SLC7A9: variants seen among roughly 807,000 people sequenced by gnomAD.
The protein encoded by SLC7A9 is B(0,+)-type amino acid transporter 1.
Under a neutral mutation model 54.1 loss-of-function variants are expected in SLC7A9, and 38 were observed. That is an observed-to-expected ratio of 0.70 (90% confidence interval 0.54 to 0.92). The LOEUF is 0.92. Among genes scored for constraint, SLC7A9 ranks in the 40% least tolerant of loss-of-function variants. The probability of loss-of-function intolerance (pLI) is 0.00; values close to 1 mark genes in which losing one functional copy is unlikely to be tolerated. For missense variants in SLC7A9, 537 were observed against 636.1 expected, an observed-to-expected ratio of 0.84 and a Z score of 1.68; for synonymous variants, 264 against 258.9, an observed-to-expected ratio of 1.02 and a Z score of -0.19.
intron 9 of SLC7A9, among the ~76,000 whole-genome samples, chr19:32,855,423 G>A (rs926688734): frequency 2.6e-5 from 4 of 152,202 alleles, no homozygotes; most frequent in African/African-American, 9.6e-5. Flanking sequence ...AATGCAGCCG[G>A]GCGCGGTGGC....
At chr19:32,867,277 G>A (rs997111701) in intron 2 of SLC7A9, among the ~76,000 whole-genome samples, 27 of 152,152 alleles carry the variant, frequency 1.8e-4, no homozygotes, top group African/African-American at 6.0e-4. Context: ...TGAGGTGGGA[G>A]GATCGCTTGA....
At position 32,855,575 on chromosome 19, in the gene SLC7A9, A is replaced by G. The variant is rs553735927; in HGVS notation, c.977+2865T>C. Among the ~76,000 whole-genome samples, 405 of 152,162 alleles carry G rather than the reference A, an allele frequency of 2.7e-3. 2 individuals are homozygous for G. Among genetic ancestry groups the G allele is most frequent in the African/African-American group, 9.0e-3 (374 of 41,504 alleles). The stretch of plus-strand genomic sequence containing the variant: ...AAATTAGCCGGGCGTGATGGCAGGC[A>G]CCTGTAGTCCCAGCTACTCAGGAGG... On this transcript the variant is annotated intron_variant, in intron 9 of 12. Transcript: ENST00000023064.
chr19:32,868,411 A>G lies in SLC7A9; in HGVS notation c.87+37T>C, dbSNP rs576347697. On this transcript the variant is annotated intron_variant, in intron 2 of 12. Coordinates refer to ENST00000023064, the MANE Select transcript of SLC7A9 (RefSeq NM_014270.5). ...CCCCTCGTTCAGACGCCCTTGCCTA[A>G]CCTGCAAAGGGCCTGCCCCACCAGA... The G allele has an allele frequency of 1.1e-4, 177 of 1,555,478 alleles. 3 individuals are homozygous for G. In the South Asian group the frequency reaches 1.9e-3, roughly 17 times the overall value.
At chr19:32,869,237 T>C (rs1214957587) in intron 1 of SLC7A9, among the ~76,000 whole-genome samples, 1 of 151,618 alleles carries the variant, frequency 6.6e-6, no homozygotes, top group Non-Finnish European at 1.5e-5. Context: ...AATATATATA[T>C]AAAAAATTAA....
At chr19:32,834,520 C>G (rs1019918542) in intron 11 of SLC7A9, among the ~76,000 whole-genome samples, 1 of 151,990 alleles carries the variant, frequency 6.6e-6, no homozygotes, top group African/African-American at 2.4e-5. Context: ...ATCCCAGCAA[C>G]TTGGGAAGCT....
chr19:32,849,200 G>T (rs1486903192), intron 9 of SLC7A9, among the ~76,000 whole-genome samples: 1 of 152,086 alleles, frequency 6.6e-6, no homozygotes, highest in Non-Finnish European at 1.5e-5. Flanking sequence ...AGAACTGAAG[G>T]AAATAGAGAC....
intron 9 of SLC7A9, among the ~76,000 whole-genome samples, chr19:32,852,862 G>T (rs1405403063): frequency 1.3e-5 from 2 of 151,966 alleles, no homozygotes; most frequent in Admixed American, 6.6e-5. Context: ...GTCTGACGTG[G>T]GAGCGTTAGT....
chr19:32,857,679 C>T (rs898670690), intron 9 of SLC7A9, among the ~76,000 whole-genome samples: 12 of 152,036 alleles, frequency 7.9e-5, no homozygotes, highest in Middle Eastern at 3.2e-3. Context: ...GACACGTGTT[C>T]GAGGATGTTC....
At chr19:32,833,671 G>C (rs949525712) in intron 11 of SLC7A9, among the ~76,000 whole-genome samples, 2 of 152,008 alleles carry the variant, frequency 1.3e-5, no homozygotes, top group East Asian at 3.9e-4. Context: ...GGTGGCAGGT[G>C]CCTGTAATCC....
At chr19:32,852,881 A>C (rs1350943270) in intron 9 of SLC7A9, among the ~76,000 whole-genome samples, 2 of 146,584 alleles carry the variant, frequency 1.4e-5, no homozygotes, top group African/African-American at 5.0e-5. Context: ...GTCCTGCCAG[A>C]TTTTACAAGA....
intron 6 of SLC7A9, among the ~76,000 whole-genome samples, 183 bp from the exon 7 acceptor site, chr19:32,860,833 A>G (rs1968779801): frequency 6.6e-6 from 1 of 152,072 alleles, no homozygotes; most frequent in Admixed American, 6.5e-5. Context: ...CTGGGGCCCT[A>G]CCCAGACCTA....
intron 12 of SLC7A9, among the ~76,000 whole-genome samples, chr19:32,832,579 CTG>C (rs1263368104): frequency 5.6e-5 from 7 of 125,670 alleles, no homozygotes; most frequent in Admixed American, 1.8e-4. Flanking sequence ...CAGAGTGAGA[CTG>C]TGTCTCAAAA....
chr19:32,835,945 C>G (rs1292785277), intron 11 of SLC7A9, among the ~76,000 whole-genome samples: 1 of 151,628 alleles, frequency 6.6e-6, no homozygotes, highest in African/African-American at 2.4e-5. Context: ...GTCCGAGTCT[C>G]ACTTTGTCAC....
At chr19:32,848,122 C>T (rs1179288149) in intron 9 of SLC7A9, among the ~76,000 whole-genome samples, 1 of 152,162 alleles carries the variant, frequency 6.6e-6, no homozygotes, top group Non-Finnish European at 1.5e-5. Flanking sequence ...GAAGAAACTG[C>T]ATCAACTAAC....
intron 9 of SLC7A9, among the ~76,000 whole-genome samples, chr19:32,851,137 C>G (rs546759383): frequency 2.0e-5 from 3 of 152,234 alleles, no homozygotes; most frequent in African/African-American, 7.2e-5. Context: ...GTCTAAAACA[C>G]CAAAAGCAAT....
In SLC7A9 at chr19:32,843,456, G is replaced by A. The variant is rs115116323; in HGVS notation, c.1074+399C>T. Among the ~76,000 whole-genome samples the A allele has an allele frequency of 5.8e-3, 878 of 151,284 alleles. 9 individuals are homozygous for A. Among genetic ancestry groups the A allele is most frequent in the African/African-American group, 0.02 (826 of 40,920 alleles). On this transcript the variant is annotated intron_variant, in intron 10 of 12. Transcript: ENST00000023064. ...AGCCTGGGTGACAGAGCAAGACTCC[G>A]TATCAAAAAAAAAGTCAAAGGGCGT...
chr19:32,844,156 A>G (rs973836488), intron 9 of SLC7A9, among the ~76,000 whole-genome samples: 1 of 152,100 alleles, frequency 6.6e-6, no homozygotes, highest in Non-Finnish European at 1.5e-5. Context: ...AAACGCACTG[A>G]GAGACTAGGT....
chr19:32,865,504 C>T (rs909433539), intron 2 of SLC7A9, among the ~76,000 whole-genome samples: 1 of 152,202 alleles, frequency 6.6e-6, no homozygotes, highest in African/African-American at 2.4e-5. Context: ...TTTCTGAGAA[C>T]AGAACCCAGC....
intron 1 of SLC7A9, among the ~76,000 whole-genome samples, chr19:32,869,388 A>C (rs547494382): frequency 1.3e-5 from 2 of 152,172 alleles, no homozygotes; most frequent in South Asian, 4.2e-4. Flanking sequence ...GTACTTTTTA[A>C]ATTTTTACAA....
Sources: gnomAD v4.1 joint callset for allele counts (sites outside exome capture counted in the v4.1 genomes callset) on GRCh38, gnomAD v4.1.1 for gene constraint, MANE v1.5 for transcripts, NCBI Gene and HGNC (gene_info 2026-07-23, HGNC 2026-07-21) for gene names.